Variants in CNTNAP4 observed in about 807,000 individuals in gnomAD.
The protein encoded by CNTNAP4 is contactin associated protein family member 4.
A neutral mutation model predicts 148.4 loss-of-function variants in CNTNAP4; 98 were observed. That is an observed-to-expected ratio of 0.66 (90% CI 0.56 to 0.78). CNTNAP4 has a LOEUF of 0.78. Ranked by LOEUF, CNTNAP4 falls within the 30% of genes least tolerant of loss-of-function variation. CNTNAP4 has a pLI of 0.00. For missense variants in CNTNAP4, 1,935 were observed against 1,565.6 expected (o/e 1.24, Z -3.98); for synonymous variants, 730 against 565.1 (o/e 1.29, Z -4.14).
intron 2 of CNTNAP4, among the ~76,000 whole-genome samples, chr16:76,346,511 C>A (rs1964915868): frequency 6.6e-6 from 1 of 151,694 alleles, no homozygotes; most frequent in Non-Finnish European, 1.5e-5. Context: ...TAGGCTCTCT[C>A]CGATGCATGA....
intron 8 of CNTNAP4, among the ~76,000 whole-genome samples, chr16:76,454,055 A>G (rs1464697027): frequency 6.6e-6 from 1 of 151,794 alleles, no homozygotes; most frequent in Non-Finnish European, 1.5e-5. Context: ...ATCTTAAAGA[A>G]ACCGCTTCAG....
At chr16:76,299,943 A>G (rs1466897656) in intron 1 of CNTNAP4, among the ~76,000 whole-genome samples, 2 of 152,176 alleles carry the variant, frequency 1.3e-5, no homozygotes. Flanking sequence ...GGATTTGAAC[A>G]ACGAGAACAC....
At chr16:76,529,218 T>A (rs1255751744) in intron 17 of CNTNAP4, among the ~76,000 whole-genome samples, 2 of 152,182 alleles carry the variant, frequency 1.3e-5, no homozygotes, top group African/African-American at 4.8e-5. Context: ...GTCTTTACTA[T>A]CCTTTTCATG....
intron 3 of CNTNAP4, among the ~76,000 whole-genome samples, chr16:76,399,068 C>A (rs1167316509): frequency 1.3e-5 from 2 of 152,134 alleles, no homozygotes; most frequent in Admixed American, 6.6e-5. Flanking sequence ...CTCTTGCCTG[C>A]CACCATGTAA....
intron 2 of CNTNAP4, among the ~76,000 whole-genome samples, chr16:76,349,617 CT>C (rs1162880060): frequency 1.3e-5 from 2 of 151,968 alleles, no homozygotes; most frequent in Non-Finnish European, 2.9e-5. Context: ...AACTTGGACT[CT>C]TGGGGAAATC....
At chr16:76,312,710 A>C (rs539779289) in intron 1 of CNTNAP4, among the ~76,000 whole-genome samples, 1 of 152,318 alleles carries the variant, frequency 6.6e-6, no homozygotes, top group African/African-American at 2.4e-5. Context: ...GTATTCTTAC[A>C]TAGTGGATTC....
intron 1 of CNTNAP4, among the ~76,000 whole-genome samples, chr16:76,286,674 C>T (rs1048704893): frequency 3.9e-5 from 6 of 151,936 alleles, no homozygotes; most frequent in Non-Finnish European, 7.4e-5. Context: ...TAAAGTGATA[C>T]GGGTGGCAAG....
At chr16:76,536,854 A>G (rs2084236248) in intron 18 of CNTNAP4, among the ~76,000 whole-genome samples, 3 of 152,138 alleles carry the variant, frequency 2.0e-5, no homozygotes, top group Admixed American at 6.5e-5. Context: ...CTGACATCCA[A>G]TTTAAATTCA....
At chr16:76,300,677 A>T (rs1420665966) in intron 1 of CNTNAP4, among the ~76,000 whole-genome samples, 1 of 152,182 alleles carries the variant, frequency 6.6e-6, no homozygotes, top group African/African-American at 2.4e-5. Context: ...TTTCTCACAA[A>T]GTTGTAGTAA....
chr16:76,373,352 T>A (rs2015067139), intron 3 of CNTNAP4, among the ~76,000 whole-genome samples: 1 of 152,040 alleles, frequency 6.6e-6, no homozygotes, highest in African/African-American at 2.4e-5. Context: ...AAAAGAAACA[T>A]TCTTAGTCAT....
At chr16:76,536,967 A>G (rs1457924125) in intron 18 of CNTNAP4, among the ~76,000 whole-genome samples, 1 of 152,200 alleles carries the variant, frequency 6.6e-6, no homozygotes, top group African/African-American at 2.4e-5. Flanking sequence ...CAAAGAAAGC[A>G]TGGGATGAGT....
intron 8 of CNTNAP4, among the ~76,000 whole-genome samples, chr16:76,454,639 T>C (rs987751979): frequency 6.6e-6 from 1 of 152,196 alleles, no homozygotes; most frequent in African/African-American, 2.4e-5. Context: ...GTGAAGCAAG[T>C]ACATTTTGCA....
chr16:76,325,852 C>T (rs979025543), intron 2 of CNTNAP4, among the ~76,000 whole-genome samples: 2 of 151,998 alleles, frequency 1.3e-5, no homozygotes, highest in African/African-American at 4.8e-5. Flanking sequence ...CTTTAAGAAA[C>T]TTTCTGCTAA....
intron 1 of CNTNAP4, among the ~76,000 whole-genome samples, chr16:76,293,174 G>T (rs746539606): frequency 4.6e-5 from 7 of 151,734 alleles, no homozygotes; most frequent in Non-Finnish European, 7.4e-5. Flanking sequence ...TGCCAGGCTG[G>T]AGTGCAGTGG....
chr16:76,548,712 T>C (rs1340432840), intron 21 of CNTNAP4, among the ~76,000 whole-genome samples: 1 of 152,126 alleles, frequency 6.6e-6, no homozygotes, highest in Non-Finnish European at 1.5e-5. Context: ...AAGAAACACC[T>C]AAAACATGAC....
chr16:76,374,190 T>C (rs1266567733), intron 3 of CNTNAP4, among the ~76,000 whole-genome samples: 1 of 152,178 alleles, frequency 6.6e-6, no homozygotes, highest in Non-Finnish European at 1.5e-5. Flanking sequence ...AGAGAAAAAT[T>C]GCTGGAGCAG....
intron 2 of CNTNAP4, among the ~76,000 whole-genome samples, chr16:76,336,321 G>A (rs975289164): frequency 6.6e-6 from 1 of 152,182 alleles, no homozygotes; most frequent in Non-Finnish European, 1.5e-5. Flanking sequence ...CTGCTGGCTT[G>A]TGGGAGCCTA....
At chr16:76,372,921 C>G (rs1038208596) in intron 3 of CNTNAP4, among the ~76,000 whole-genome samples, 1 of 152,100 alleles carries the variant, frequency 6.6e-6, no homozygotes, top group East Asian at 1.9e-4. Flanking sequence ...GATAGAAACT[C>G]CATGCTTTGT....
intron 4 of CNTNAP4, 47 bp from the exon 5 acceptor site, chr16:76,447,965 G>GCATTT: frequency 7.2e-7 from 1 of 1,389,292 alleles, no homozygotes; most frequent in Non-Finnish European, 1.0e-6. Flanking sequence ...TGATTTAATG[G>GCATTT]AAAAGATATT....
Sources: gnomAD v4.1 joint callset for allele counts (sites outside exome capture counted in the v4.1 genomes callset) on GRCh38, gnomAD v4.1.1 for gene constraint, MANE v1.5 for transcripts, NCBI Gene and HGNC (gene_info 2026-07-23, HGNC 2026-07-21) for gene names.